The following KIF16B variants were observed in gnomAD, a reference collection of about 807,000 sequenced individuals.
KIF16B encodes the protein kinesin-like protein KIF16B.
Under a neutral mutation model 156.3 loss-of-function variants are expected in KIF16B, and 98 were observed. That is an observed-to-expected ratio of 0.63 (90% CI 0.53 to 0.74). KIF16B has a LOEUF of 0.74. KIF16B is among the 30% of genes least tolerant of loss of function. The probability of loss-of-function intolerance (pLI) is 0.00; values close to 1 mark genes in which losing one functional copy is unlikely to be tolerated. For missense variants in KIF16B, 1,421 were observed against 1,606.5 expected, an observed-to-expected ratio of 0.88 and a Z score of 1.97; for synonymous variants, 564 against 583.7, an observed-to-expected ratio of 0.97 and a Z score of 0.49.
At chr20:16,446,476 C>A (rs534186417) in intron 12 of KIF16B, among the ~76,000 whole-genome samples, 1 of 152,134 alleles carries the variant, frequency 6.6e-6, no homozygotes. Context: ...ATCTTGATTC[C>A]ATTAACTCTT....
intron 19 of KIF16B, among the ~76,000 whole-genome samples, chr20:16,376,987 C>T (rs2064966679): frequency 2.6e-5 from 4 of 152,208 alleles, no homozygotes; most frequent in South Asian, 2.1e-4. Context: ...AGGGAACTAC[C>T]AGACAGCGAT....
At chr20:16,526,649 T>G (rs1413381963) in intron 2 of KIF16B, among the ~76,000 whole-genome samples, 1 of 152,194 alleles carries the variant, frequency 6.6e-6, no homozygotes, top group East Asian at 1.9e-4. Flanking sequence ...ACACTTCCCT[T>G]GGACACTCCA....
chr20:16,321,737 CAT>C (rs2063775989), intron 24 of KIF16B, among the ~76,000 whole-genome samples: 1 of 151,906 alleles, frequency 6.6e-6, no homozygotes, highest in South Asian at 2.1e-4. Flanking sequence ...AATAATGAAA[CAT>C]ATTATTTTTT....
chr20:16,388,930 A>G (rs2065291373), intron 17 of KIF16B, among the ~76,000 whole-genome samples: 1 of 152,190 alleles, frequency 6.6e-6, no homozygotes, highest in South Asian at 2.1e-4. Flanking sequence ...ATGACTGCCC[A>G]GGTCCAGTCA....
chr20:16,429,722 C>A, intron 13 of KIF16B, 141 bp downstream of exon 13: 5 of 665,860 alleles, frequency 7.5e-6, no homozygotes, highest in Non-Finnish European at 1.1e-5. Context: ...TGAAAATTCC[C>A]AAAGGGCTCA....
rs2070989659 is a variant in KIF16B, at chr20:16,559,718, C to G, written c.47+13511G>C. Among the ~76,000 whole-genome samples the G allele has an allele frequency of 2.0e-5, 3 of 152,080 alleles. No homozygotes were observed. In the South Asian group the frequency reaches 6.2e-4, roughly 32 times the overall value. Reference sequence around the variant, plus strand: ...ACTTGAGCCCAGCAGGCTGAGGCTACAGTGAGCTGTGATCATGCCACTATA... The same window carrying G: ...ACTTGAGCCCAGCAGGCTGAGGCTAGAGTGAGCTGTGATCATGCCACTATA... On this transcript the variant is annotated intron_variant, in intron 1 of 25. Transcript: ENST00000354981.
intron 17 of KIF16B, chr20:16,382,152 A>G: frequency 7.6e-7 from 1 of 1,316,544 alleles, no homozygotes; most frequent in Non-Finnish European, 1.0e-6. Flanking sequence ...GTGGAGAGAG[A>G]GAGAGAAAGA....
At chr20:16,338,043 G>A (rs564673654) in intron 23 of KIF16B, among the ~76,000 whole-genome samples, 173 of 152,236 alleles carry the variant, frequency 1.1e-3, no homozygotes, top group Non-Finnish European at 2.0e-3. Flanking sequence ...GATGTTCCTG[G>A]CTCTCCTTCC....
chr20:16,346,621 A>G (rs1419294327), intron 23 of KIF16B, among the ~76,000 whole-genome samples: 1 of 152,208 alleles, frequency 6.6e-6, no homozygotes, highest in Non-Finnish European at 1.5e-5. Flanking sequence ...TGACTTCCCG[A>G]TGCTTTAACT....
chr20:16,560,875 G>A (rs6044117), intron 1 of KIF16B, among the ~76,000 whole-genome samples: 94,278 of 152,078 alleles, frequency 0.62, 29,671 homozygotes, highest in African/African-American at 0.73. Flanking sequence ...GTTGTCTCGA[G>A]TAACAAAATC....
chr20:16,385,074 G>A (rs1363252300), intron 17 of KIF16B, among the ~76,000 whole-genome samples: 1 of 151,968 alleles, frequency 6.6e-6, no homozygotes, highest in Non-Finnish European at 1.5e-5. Context: ...GTGGGCACCT[G>A]TAATCCCAGC....
chr20:16,306,564 G>A (rs1392150329), intron 25 of KIF16B, among the ~76,000 whole-genome samples: 1 of 152,138 alleles, frequency 6.6e-6, no homozygotes, highest in Non-Finnish European at 1.5e-5. Flanking sequence ...GAATCATCAA[G>A]AATAAGAATA....
intron 13 of KIF16B, among the ~76,000 whole-genome samples, chr20:16,429,607 A>G (rs552494889): frequency 6.6e-6 from 1 of 152,142 alleles, no homozygotes; most frequent in South Asian, 2.1e-4. Context: ...TTTGTTCCTT[A>G]CCTCCCTCTT....
intron 23 of KIF16B, among the ~76,000 whole-genome samples, chr20:16,354,542 G>A (rs146356010): frequency 6.6e-6 from 1 of 151,588 alleles, no homozygotes; most frequent in Admixed American, 6.6e-5. Flanking sequence ...AAATGAAAAA[G>A]AAATTGACCA....
chr20:16,522,006 G>A (rs939762993), intron 3 of KIF16B, among the ~76,000 whole-genome samples: 7 of 152,074 alleles, frequency 4.6e-5, no homozygotes, highest in African/African-American at 1.4e-4. Context: ...TGCCTTACAC[G>A]AGCTCCTGAA....
intron 15 of KIF16B, among the ~76,000 whole-genome samples, chr20:16,414,940 T>G (rs2066050455): frequency 6.6e-6 from 1 of 152,160 alleles, no homozygotes; most frequent in Non-Finnish European, 1.5e-5. Context: ...GGCTTTGCGT[T>G]AGATGATTTT....
At chr20:16,425,225 C>T (rs2066322888) in intron 15 of KIF16B, among the ~76,000 whole-genome samples, 1 of 152,064 alleles carries the variant, frequency 6.6e-6, no homozygotes, top group Admixed American at 6.6e-5. Context: ...GAAGTGTTTA[C>T]AGAACAGTGA....
chr20:16,449,221 A>G (rs2067015151), intron 12 of KIF16B, among the ~76,000 whole-genome samples: 1 of 152,206 alleles, frequency 6.6e-6, no homozygotes, highest in African/African-American at 2.4e-5. Context: ...ACCTGACCAA[A>G]AAAGGGGGTC....
intron 17 of KIF16B, among the ~76,000 whole-genome samples, chr20:16,389,997 C>T (rs1337222128): frequency 2.0e-5 from 3 of 152,068 alleles, no homozygotes; most frequent in East Asian, 1.9e-4. Context: ...CCACAGTAGG[C>T]GGACTTACAT....
Sources: gnomAD v4.1 joint callset for allele counts (sites outside exome capture counted in the v4.1 genomes callset) on GRCh38, gnomAD v4.1.1 for gene constraint, MANE v1.5 for transcripts, NCBI Gene and HGNC (gene_info 2026-07-23, HGNC 2026-07-21) for gene names.